Variants in ACBD6 observed in about 807,000 individuals in gnomAD.
ACBD6 encodes the protein acyl-CoA-binding domain-containing protein 6.
ACBD6 carries 28 observed loss-of-function variants against 37.2 expected under a neutral mutation model. The ratio of observed to expected loss-of-function variants is 0.75; its 90% CI spans 0.56 to 1.03. The LOEUF is 1.03. Among genes scored for constraint, ACBD6 ranks in the 50% least tolerant of loss-of-function variants. The pLI, the probability that ACBD6 is intolerant of heterozygous loss-of-function variation, is 0.00. For missense variants in ACBD6, 340 were observed against 337.4 expected (o/e 1.01, Z -0.06); for synonymous variants, 113 against 126.8 (o/e 0.89, Z 0.73).
chr1:180,301,674 G>T (rs1009496433), intron 7 of ACBD6, among the ~76,000 whole-genome samples: 1 of 151,888 alleles, frequency 6.6e-6, no homozygotes, highest in African/African-American at 2.4e-5. Context: ...ATTTTGTATG[G>T]GCCCCCCTTG....
chr1:180,497,122 G>C (rs1437670116), intron 1 of ACBD6, among the ~76,000 whole-genome samples: 1 of 152,166 alleles, frequency 6.6e-6, no homozygotes, highest in African/African-American at 2.4e-5. Flanking sequence ...TAATAAATGA[G>C]ATAAATTATA....
intron 6 of ACBD6, among the ~76,000 whole-genome samples, chr1:180,361,211 AG>A (rs1652837129): frequency 6.6e-6 from 1 of 151,890 alleles, no homozygotes. Context: ...TAAGTAATGC[AG>A]TATGTCAAGG....
At chr1:180,330,344 C>A (rs187773060) in intron 6 of ACBD6, among the ~76,000 whole-genome samples, 173 of 151,404 alleles carry the variant, frequency 1.1e-3, no homozygotes, top group African/African-American at 4.1e-3. Context: ...CTCCTGAGCC[C>A]AGGAGACTGA....
intron 6 of ACBD6, among the ~76,000 whole-genome samples, chr1:180,372,027 A>T (rs1468748061): frequency 6.6e-6 from 1 of 152,172 alleles, no homozygotes; most frequent in Non-Finnish European, 1.5e-5. Flanking sequence ...TTATCAAATG[A>T]TAAACAGAAT....
intron 2 of ACBD6, among the ~76,000 whole-genome samples, chr1:180,494,279 A>G (rs775312428): frequency 7.2e-5 from 11 of 152,188 alleles, no homozygotes; most frequent in Non-Finnish European, 1.3e-4. Flanking sequence ...AAATTTTTTA[A>G]TTGCTAAAAA....
At chr1:180,359,077 G>C (rs1652743901) in intron 6 of ACBD6, among the ~76,000 whole-genome samples, 1 of 152,196 alleles carries the variant, frequency 6.6e-6, no homozygotes, top group African/African-American at 2.4e-5. Context: ...AAGGACTCTA[G>C]GGAAATGCAG....
chr1:180,435,803 A>C, intron 3 of ACBD6: 1 of 950,358 alleles, frequency 1.1e-6, no homozygotes, highest in Non-Finnish European at 1.7e-6. Context: ...GGCTAAAGTG[A>C]ATAACTCCAG....
intron 3 of ACBD6, among the ~76,000 whole-genome samples, chr1:180,452,052 A>T (rs1649727473): frequency 6.6e-6 from 1 of 152,230 alleles, no homozygotes; most frequent in South Asian, 2.1e-4. Flanking sequence ...CTTTGAAAAC[A>T]GTGAGAACAA....
chr1:180,443,767 C>T (rs1649374462), intron 3 of ACBD6, among the ~76,000 whole-genome samples: 1 of 142,954 alleles, frequency 7.0e-6, no homozygotes, highest in Non-Finnish European at 1.5e-5. Context: ...CACCCGCCAC[C>T]ACGCCCAGCT....
intron 6 of ACBD6, among the ~76,000 whole-genome samples, chr1:180,389,196 C>A (rs1303791550): frequency 6.6e-6 from 1 of 152,198 alleles, no homozygotes; most frequent in East Asian, 1.9e-4. Flanking sequence ...TGTCCCCTTC[C>A]TGTGTCCATG....
chr1:180,275,524 G>T (rs1648974424), intron 9 of ACBD6: 2 of 152,216 alleles, frequency 1.3e-5, no homozygotes, highest in African/African-American at 4.8e-5. Flanking sequence ...GTCTTCCAGA[G>T]TTCCCCATCC....
intron 6 of ACBD6, among the ~76,000 whole-genome samples, chr1:180,391,423 T>G (rs1654072980): frequency 6.6e-6 from 1 of 152,026 alleles, no homozygotes; most frequent in African/African-American, 2.4e-5. Context: ...GAGACTTGTA[T>G]CCAAAACATA....
chr1:180,357,059 C>T (rs1331744619), intron 6 of ACBD6, among the ~76,000 whole-genome samples: 2 of 152,132 alleles, frequency 1.3e-5, no homozygotes, highest in Non-Finnish European at 2.9e-5. Flanking sequence ...AAATAATTCA[C>T]AAGATATCGA....
chr1:180,406,251 T>A (rs78602889), intron 5 of ACBD6, among the ~76,000 whole-genome samples: 5,426 of 151,938 alleles, frequency 0.036, 298 homozygotes, highest in African/African-American at 0.12. Flanking sequence ...AATTTTAGAT[T>A]AAAAAAAATA....
intron 7 of ACBD6, among the ~76,000 whole-genome samples, chr1:180,289,349 T>C (rs1649613996): frequency 6.6e-6 from 1 of 152,030 alleles, no homozygotes; most frequent in African/African-American, 2.4e-5. Context: ...AATAAACATA[T>C]AAAAAGATGA....
At chr1:180,442,521 C>T (rs925101113) in intron 3 of ACBD6, among the ~76,000 whole-genome samples, 1 of 152,174 alleles carries the variant, frequency 6.6e-6, no homozygotes, top group African/African-American at 2.4e-5. Flanking sequence ...TTTGAAATTT[C>T]AGCCATTATT....
chr1:180,328,539 G>T (rs1053264046), intron 6 of ACBD6, among the ~76,000 whole-genome samples: 2 of 151,806 alleles, frequency 1.3e-5, no homozygotes, highest in African/African-American at 2.4e-5. Flanking sequence ...AGAGGGGCTA[G>T]ATTTTCCCAT....
intron 6 of ACBD6, among the ~76,000 whole-genome samples, chr1:180,370,218 G>C (rs1462462636): frequency 6.6e-6 from 1 of 152,214 alleles, no homozygotes; most frequent in Non-Finnish European, 1.5e-5. Flanking sequence ...GCACAAAAGA[G>C]GGGGGTTTAA....
intron 3 of ACBD6, 76 bp downstream of exon 3, chr1:180,492,193 G>A: frequency 1.9e-6 from 2 of 1,065,142 alleles, no homozygotes; most frequent in Non-Finnish European, 2.9e-6. Flanking sequence ...TTAAAACTAA[G>A]TTTAGTTTTA....
Sources: allele counts gnomAD v4.1 joint callset (sites outside exome capture counted in the v4.1 genomes callset), GRCh38; gene constraint gnomAD v4.1.1; transcripts MANE v1.5; gene names NCBI Gene and HGNC (gene_info 2026-07-23, HGNC 2026-07-21).